AOPEP: variants seen among roughly 807,000 people sequenced by gnomAD.
AOPEP encodes aminopeptidase O.
Under a neutral mutation model 98.1 loss-of-function variants are expected in AOPEP, and 77 were observed. The ratio of observed to expected loss-of-function variants is 0.78; its 90% CI spans 0.65 to 0.95. The LOEUF (loss-of-function observed/expected upper bound fraction) is 0.95. AOPEP is among the 40% of genes least tolerant of loss of function. The pLI, the probability that AOPEP is intolerant of heterozygous loss-of-function variation, is 0.00. For synonymous variants in AOPEP, 346 were observed against 365.3 expected (o/e 0.95, Z 0.60); for missense variants, 1,024 against 1,024.7 (o/e 1.00, Z 0.01).
chr9:94,903,799 C>G (rs993975501), intron 5 of AOPEP, among the ~76,000 whole-genome samples: 1 of 143,500 alleles, frequency 7.0e-6, no homozygotes, highest in Non-Finnish European at 1.5e-5. Context: ...GAGGCTAAGA[C>G]AGGAGAATTG....
intron 5 of AOPEP, among the ~76,000 whole-genome samples, chr9:94,858,631 C>T (rs2044532883): frequency 6.6e-6 from 1 of 152,188 alleles, no homozygotes; most frequent in East Asian, 1.9e-4. Context: ...TATGTCCCTC[C>T]CAGAGTTGAT....
intron 5 of AOPEP, among the ~76,000 whole-genome samples, chr9:94,836,622 G>A (rs576241208): frequency 6.6e-6 from 1 of 152,202 alleles, no homozygotes; most frequent in Non-Finnish European, 1.5e-5. Context: ...TGTATGATTT[G>A]CAAATATTTT....
chr9:94,910,033 C>G (rs1380001971), intron 5 of AOPEP, among the ~76,000 whole-genome samples: 1 of 152,180 alleles, frequency 6.6e-6, no homozygotes, highest in African/African-American at 2.4e-5. Context: ...ACTGTCTCCC[C>G]CATTTCGGTT....
intron 9 of AOPEP, among the ~76,000 whole-genome samples, chr9:94,961,091 T>C (rs1280619303): frequency 1.3e-5 from 2 of 151,966 alleles, no homozygotes. Flanking sequence ...TATTCTTGGG[T>C]CACATTTTCA....
intron 5 of AOPEP, among the ~76,000 whole-genome samples, chr9:94,919,243 C>T (rs746444829): frequency 5.3e-5 from 8 of 152,176 alleles, no homozygotes; most frequent in Admixed American, 6.5e-5. Context: ...GATCCCCTTA[C>T]ACATTGATCA....
At chr9:94,799,190 A>C (rs1320823464) in intron 4 of AOPEP, among the ~76,000 whole-genome samples, 1 of 152,188 alleles carries the variant, frequency 6.6e-6, no homozygotes, top group East Asian at 1.9e-4. Context: ...TTATTGTTGC[A>C]TTCTGCCCAT....
At chr9:95,042,588 T>A (rs975159081) in intron 13 of AOPEP, among the ~76,000 whole-genome samples, 5 of 152,218 alleles carry the variant, frequency 3.3e-5, no homozygotes, top group Non-Finnish European at 7.3e-5. Context: ...CAGCACTTTC[T>A]TTCTGTAGGC....
At chr9:94,792,978 G>A (rs1846067195) in intron 4 of AOPEP, 60 bp downstream of exon 4, 1 of 1,509,336 alleles carries the variant, frequency 6.6e-7, no homozygotes, top group Admixed American at 2.0e-5. Flanking sequence ...GGAGCGGTAT[G>A]ATGCATTTCT....
At chr9:95,106,095 G>T in the AOPEP span, among the ~76,000 whole-genome samples, 1 of 152,326 alleles carries the variant, frequency 6.6e-6, no homozygotes, top group Non-Finnish European at 1.5e-5. Context: ...GGAAGCATAT[G>T]AGTGTTCCGG....
At position 94,959,490 on chromosome 9, in the gene AOPEP, G is replaced by A. The variant is rs548402461; in HGVS notation, c.1872+3475G>A. On this transcript the variant is annotated intron_variant, in intron 9 of 16. Coordinates refer to ENST00000375315, the MANE Select transcript of AOPEP (RefSeq NM_001193329.3). Reference sequence around the variant, plus strand: ...AAAAATTAGTTGATCATTAATGTAAGCATTCACTTCTGGACTCCCAATTTG... The same window carrying A: ...AAAAATTAGTTGATCATTAATGTAAACATTCACTTCTGGACTCCCAATTTG... Among the ~76,000 whole-genome samples the A allele has an allele frequency of 1.4e-4, 21 of 152,208 alleles. No homozygotes were observed. The South Asian group carries it at 4.2e-3, about 30-fold the overall frequency.
At chr9:94,794,192 T>A (rs534956551) in intron 4 of AOPEP, among the ~76,000 whole-genome samples, 22 of 152,336 alleles carry the variant, frequency 1.4e-4, no homozygotes, top group Middle Eastern at 3.4e-3. Flanking sequence ...TGGCAGCCTG[T>A]CTAGATGTTC....
At chr9:95,111,301 A>G in the AOPEP span, 1 of 1,584,862 alleles carries the variant, frequency 6.3e-7, no homozygotes, top group African/African-American at 1.3e-5. Flanking sequence ...TCTGACCACA[A>G]GGCTGGAGAT....
chr9:94,893,378 G>T (rs1283125495), intron 5 of AOPEP, among the ~76,000 whole-genome samples: 1 of 152,146 alleles, frequency 6.6e-6, no homozygotes, highest in Non-Finnish European at 1.5e-5. Flanking sequence ...GTGAGGGCAC[G>T]GGAGGAGTGA....
intron 5 of AOPEP, among the ~76,000 whole-genome samples, chr9:94,890,025 A>AT (rs554356502): frequency 0.023 from 3,041 of 134,090 alleles, 80 homozygotes; most frequent in African/African-American, 0.066. Flanking sequence ...GTATTACTTG[A>AT]TTTTTTTTTT....
intron 1 of AOPEP, among the ~76,000 whole-genome samples, chr9:94,729,537 C>T (rs546165178): frequency 6.7e-6 from 1 of 150,044 alleles, no homozygotes; most frequent in African/African-American, 2.5e-5. Context: ...GGCGCCACTG[C>T]ACTCCAGCCT....
chr9:94,879,112 C>T (rs1433419861), intron 5 of AOPEP, among the ~76,000 whole-genome samples: 1 of 152,184 alleles, frequency 6.6e-6, no homozygotes, highest in Non-Finnish European at 1.5e-5. Context: ...ATCTCAAGCA[C>T]TGATCTTAGG....
chr9:94,996,350 C>A lies in AOPEP; in HGVS notation c.1978-8808C>A, dbSNP rs868006214. 2.0e-4 allele frequency among the ~76,000 whole-genome samples: 29 copies of A among 141,782 alleles called. No individual in the cohort carries two copies. In the Admixed American group the frequency reaches 2.0e-3, roughly 10 times the overall value. The allele number at this position is 141,782 out of a possible 152,430, so 93.0% of individuals were successfully genotyped here. On this transcript the variant is annotated intron_variant, in intron 11 of 16. Transcript: ENST00000375315. Reference sequence around the variant, plus strand: ...CACATGTGGTGGATTTTACTTGCCTCTGTGTGTGTGTGTGTGTGTGTGTGT... The same window carrying A: ...CACATGTGGTGGATTTTACTTGCCTATGTGTGTGTGTGTGTGTGTGTGTGT...
chr9:94,759,769 A>T lies in AOPEP; in HGVS notation c.-15A>T, dbSNP rs1427151745. 1.3e-6 allele frequency: 2 copies of T among 1,588,076 alleles called. No individual in the cohort carries two copies. Among genetic ancestry groups the T allele is most frequent in the Non-Finnish European group, 1.7e-6 (2 of 1,167,864 alleles). On this transcript the variant is annotated 5_prime_UTR_variant, in exon 2 of 17. Coordinates refer to ENST00000375315, the MANE Select transcript of AOPEP (RefSeq NM_001193329.3). ...TCTGAGATTTTAATAAATCCCTCAA[A>T]CAATAAACCACATCATGGACATACA...
intron 5 of AOPEP, among the ~76,000 whole-genome samples, chr9:94,848,768 T>G (rs2135100429): frequency 6.6e-6 from 1 of 152,308 alleles, no homozygotes; most frequent in Admixed American, 6.5e-5. Context: ...AAAGCATTAT[T>G]ATAGTGAAGT....
Sources: gnomAD v4.1 joint callset for allele counts (sites outside exome capture counted in the v4.1 genomes callset) on GRCh38, gnomAD v4.1.1 for gene constraint, MANE v1.5 for transcripts, NCBI Gene and HGNC (gene_info 2026-07-23, HGNC 2026-07-21) for gene names.